The following SCN10A variants were observed in gnomAD, a reference collection of about 807,000 sequenced individuals.
SCN10A encodes sodium voltage-gated channel alpha subunit 10.
A neutral mutation model predicts 170.7 loss-of-function variants in SCN10A; 162 were observed. The observed-to-expected ratio is 0.95, with a 90% CI of 0.84 to 1.08. The LOEUF (loss-of-function observed/expected upper bound fraction) is 1.08, where lower values mean the gene tolerates loss of function less well. Among genes scored for constraint, SCN10A ranks in the 50% least tolerant of loss-of-function variants. The probability of loss-of-function intolerance (pLI) is 0.00; values close to 1 mark genes in which losing one functional copy is unlikely to be tolerated. For synonymous variants in SCN10A, 985 were observed against 904.6 expected (o/e 1.09, Z -1.59); for missense variants, 2,527 against 2,436.9 (o/e 1.04, Z -0.78).
rs570853808 is a variant in SCN10A, at chr3:38,766,527, C to T, written c.600-2931G>A. 1.8e-4 allele frequency among the ~76,000 whole-genome samples: 27 copies of T among 151,984 alleles called. No homozygotes were observed. In the South Asian group the frequency reaches 3.5e-3, roughly 20 times the overall value. Reference sequence around the variant, plus strand: ...TTTGTTTTTAATTCTGTTTATGTGACGTGCAGCATTTATTGACTTGTGTAT... The same window carrying T: ...TTTGTTTTTAATTCTGTTTATGTGATGTGCAGCATTTATTGACTTGTGTAT... On this transcript the variant is annotated intron_variant, in intron 5 of 27. Coordinates refer to ENST00000449082, the MANE Select transcript of SCN10A (RefSeq NM_006514.4).
intron 4 of SCN10A, among the ~76,000 whole-genome samples, chr3:38,776,020 T>C (rs1034474177): frequency 2.0e-5 from 3 of 152,110 alleles, no homozygotes; most frequent in Non-Finnish European, 4.4e-5. Context: ...ATTCAATTGG[T>C]TTAAAAGTGG....
chr3:38,726,017 C>T (rs917933088), intron 17 of SCN10A, among the ~76,000 whole-genome samples: 2 of 152,198 alleles, frequency 1.3e-5, no homozygotes, highest in Non-Finnish European at 2.9e-5. Context: ...CCACGTTGGG[C>T]AGAGGTGAAT....
rs772613599 is a variant in SCN10A at position 38,698,353 on chromosome 3, T to C, written c.4867A>G (p.Ile1623Val). The stretch of plus-strand genomic sequence containing the variant: ...TGGGGAAAGCTGGACATACCGAAGA[T>C]AGAGTAGATGAACATGACAAGGAAT... ...LLFLVMFIYSIFGMSSFPHVR... is the reference protein window; with the variant it reads ...LLFLVMFIYSVFGMSSFPHVR... Residue 1623 changes from isoleucine to valine, a missense_variant, in exon 28 of 28, where the codon ATC (isoleucine) becomes GTC (valine). Coordinates refer to ENST00000449082, the MANE Select transcript of SCN10A (RefSeq NM_006514.4). 6.2e-6 allele frequency: 10 copies of C among 1,613,736 alleles called. No homozygotes were observed. The South Asian group carries it at 1.1e-4, about 18-fold the overall frequency.
At chr3:38,703,141 C>T (rs1159711023) in intron 26 of SCN10A, among the ~76,000 whole-genome samples, 3 of 152,160 alleles carry the variant, frequency 2.0e-5, no homozygotes, top group Non-Finnish European at 2.9e-5. Flanking sequence ...TCTTGTAAAA[C>T]CCCTTCTTGC....
At chr3:38,756,071 G>C (rs2063801267) in intron 10 of SCN10A, 113 bp from the exon 11 acceptor site, 6 of 1,158,652 alleles carry the variant, frequency 5.2e-6, no homozygotes, top group African/African-American at 1.5e-5. Context: ...AGAAGCTGAA[G>C]GGTTAGGACC....
chr3:38,804,524 C>A (rs966431868), intron 1 of SCN10A, among the ~76,000 whole-genome samples: 1 of 152,034 alleles, frequency 6.6e-6, no homozygotes, highest in African/African-American at 2.4e-5. Flanking sequence ...ATGTTTAGTA[C>A]ATTTTAGGTA....
At position 38,697,850 on chromosome 3, in the gene SCN10A, C is replaced by T. The variant is rs140566252; in HGVS notation, c.5370G>A (p.Leu1790=). Residue 1790 remains leucine (L), a synonymous_variant, in exon 28 of 28, where the codon CTG becomes CTA. Transcript: ENST00000449082. ...PNRNILIQMD[L]PLVPGDKIHC... ...GGATCTTATCTCCAGGGACCAAAGG[C>T]AGGTCCATCTGGATCAGTATATTTC... is the stretch of plus-strand genomic sequence containing the variant. The T allele has an allele frequency of 1.2e-6, 2 of 1,614,100 alleles. No individual in the cohort carries two copies. The highest frequency in any genetic ancestry group is 1.7e-5 in the Admixed American group (1 of 60,014).
intron 1 of SCN10A, among the ~76,000 whole-genome samples, chr3:38,814,091 A>T (rs932746850): frequency 9.9e-5 from 15 of 152,282 alleles, no homozygotes; most frequent in African/African-American, 3.4e-4. Context: ...AAATAAACAC[A>T]AATTAAGAAG....
chr3:38,760,041 T>C (rs1175360729), intron 8 of SCN10A, among the ~76,000 whole-genome samples: 2 of 152,234 alleles, frequency 1.3e-5, no homozygotes, highest in East Asian at 1.9e-4. Context: ...AGATTATTTA[T>C]TAAAATGGCT....
chr3:38,809,299 G>A (rs2064424826), intron 1 of SCN10A, among the ~76,000 whole-genome samples: 1 of 152,152 alleles, frequency 6.6e-6, no homozygotes, highest in Non-Finnish European at 1.5e-5. Flanking sequence ...CTTTGTTCTT[G>A]ACTTCCTAGA....
intron 13 of SCN10A, among the ~76,000 whole-genome samples, chr3:38,746,063 G>GTGTATATATATATGTGTGTGTGTATATA (rs1293476818): frequency 8.1e-5 from 5 of 61,626 alleles, no homozygotes; most frequent in Non-Finnish European, 1.0e-4. Flanking sequence ...GTGTGTATGT[G>GTGTATATATATATGTGTGTGTGTATATA]TATATATATA....
At chr3:38,714,162 C>T (rs2063307207) in intron 21 of SCN10A, 82 bp from the exon 22 acceptor site, 1 of 1,547,172 alleles carries the variant, frequency 6.5e-7, no homozygotes, top group Admixed American at 1.7e-5. Flanking sequence ...ACTCCCTGCC[C>T]AGCCTCCCAT....
chr3:38,732,351 A>G (rs914705323), intron 15 of SCN10A, among the ~76,000 whole-genome samples: 5 of 152,216 alleles, frequency 3.3e-5, no homozygotes, highest in Non-Finnish European at 7.3e-5. Flanking sequence ...CATAAAGGTC[A>G]CTAACTGAAG....
rs983699983 is a variant in SCN10A, at chr3:38,756,021, C to T, written c.1291-63G>A. The T allele has an allele frequency of 5.1e-6, 8 of 1,570,044 alleles. No homozygotes were observed. In the African/African-American group the frequency reaches 8.1e-5, roughly 16 times the overall value. On this transcript the variant is annotated intron_variant, in intron 10 of 27. Transcript: ENST00000449082. The stretch of plus-strand genomic sequence containing the variant: ...TGCTTGGACTTAGCATGAATGTGTC[C>T]CCCAGACATGGGGTGCCAGGGGTGA...
rs768896216 is a variant in SCN10A at position 38,756,669 on chromosome 3, C to A, written c.1290+5G>T. 6.2e-7 allele frequency: 1 copy of A among 1,612,416 alleles called. No individual in the cohort carries two copies. The highest frequency in any genetic ancestry group is 1.1e-5 in the South Asian group (1 of 91,060). ...TTCTTCACAAAGCTTCCACTCCTCACAAACCTCCTGCTCCTTCCGGAGCAT... is the reference window on the plus strand; with the variant it reads ...TTCTTCACAAAGCTTCCACTCCTCAAAAACCTCCTGCTCCTTCCGGAGCAT... On this transcript the variant is annotated splice_donor_5th_base_variant and intron_variant, in intron 10 of 27. Coordinates refer to ENST00000449082, the MANE Select transcript of SCN10A (RefSeq NM_006514.4).
At chr3:38,749,519 C>T (rs1160180158) in intron 13 of SCN10A, among the ~76,000 whole-genome samples, 1 of 152,196 alleles carries the variant, frequency 6.6e-6, no homozygotes, top group Non-Finnish European at 1.5e-5. Context: ...GCTGGGGAGA[C>T]TGAGTGGATT....
intron 26 of SCN10A, among the ~76,000 whole-genome samples, chr3:38,702,934 G>A (rs768784571): frequency 6.6e-6 from 1 of 152,062 alleles, no homozygotes; most frequent in Non-Finnish European, 1.5e-5. Flanking sequence ...GTGAGTCCTT[G>A]ATCCCAACCC....
chr3:38,732,093 T>TA (rs1423877518), intron 15 of SCN10A, among the ~76,000 whole-genome samples: 1 of 152,220 alleles, frequency 6.6e-6, no homozygotes, highest in Non-Finnish European at 1.5e-5. Context: ...AGAGTGAATC[T>TA]AAATAAACAT....
intron 21 of SCN10A, 24 bp downstream of exon 21, chr3:38,718,629 A>T (rs1329922751): frequency 6.8e-6 from 11 of 1,612,896 alleles, no homozygotes; most frequent in Non-Finnish European, 9.3e-6. Flanking sequence ...CCCAAACCCC[A>T]CGTGTTCCCA....
Sources: gnomAD v4.1 joint callset for allele counts (sites outside exome capture counted in the v4.1 genomes callset) on GRCh38, gnomAD v4.1.1 for gene constraint, MANE v1.5 for transcripts, NCBI Gene and HGNC (gene_info 2026-07-23, HGNC 2026-07-21) for gene names.